ZNF804B: variants seen among roughly 807,000 people sequenced by gnomAD.
The protein encoded by ZNF804B is zinc finger 804B.
A neutral mutation model predicts 101.4 loss-of-function variants in ZNF804B; 80 were observed. The observed-to-expected ratio is 0.79, with a 90% confidence interval of 0.66 to 0.95. ZNF804B has a LOEUF of 0.95. Ranked by LOEUF, ZNF804B falls within the 40% of genes least tolerant of loss-of-function variation. The pLI is 0.00. For missense variants in ZNF804B, 1,673 were observed against 1,561.9 expected (o/e 1.07, Z -1.20); for synonymous variants, 622 against 558.8 (o/e 1.11, Z -1.59).
At chr7:88,795,677 T>A (rs1790470014) in intron 1 of ZNF804B, 1 of 152,136 alleles carries the variant, frequency 6.6e-6, no homozygotes, top group Non-Finnish European at 1.5e-5. Flanking sequence ...GTCACGCACC[T>A]GTCCTCGAGG....
At chr7:89,218,605 A>C (rs1788932191) in intron 2 of ZNF804B, among the ~76,000 whole-genome samples, 2 of 152,160 alleles carry the variant, frequency 1.3e-5, no homozygotes, top group African/African-American at 2.4e-5. Flanking sequence ...AAATCCACAT[A>C]TAACTTTTGC....
intron 1 of ZNF804B, among the ~76,000 whole-genome samples, chr7:88,840,545 G>A (rs1791280242): frequency 6.6e-6 from 1 of 152,058 alleles, no homozygotes; most frequent in South Asian, 2.1e-4. Context: ...ATTAGTAGTT[G>A]TGTTGAAACC....
intron 1 of ZNF804B, among the ~76,000 whole-genome samples, chr7:89,123,889 A>G (rs575732345): frequency 9.2e-5 from 14 of 152,166 alleles, no homozygotes; most frequent in African/African-American, 3.4e-4. Flanking sequence ...TATTTATATA[A>G]GACTTTCATT....
At chr7:89,131,598 G>C (rs1048216140) in intron 1 of ZNF804B, among the ~76,000 whole-genome samples, 1 of 151,916 alleles carries the variant, frequency 6.6e-6, no homozygotes, top group African/African-American at 2.4e-5. Flanking sequence ...TTTGACGAAG[G>C]GGAAAATATG....
intron 2 of ZNF804B, among the ~76,000 whole-genome samples, chr7:89,319,895 G>C (rs1420073990): frequency 2.0e-5 from 3 of 152,150 alleles, no homozygotes; most frequent in African/African-American, 7.2e-5. Context: ...AAGCATGTCT[G>C]TTTCTGGGTA....
chr7:88,893,904 A>G (rs1476829476), intron 1 of ZNF804B, among the ~76,000 whole-genome samples: 1 of 152,194 alleles, frequency 6.6e-6, no homozygotes, highest in Non-Finnish European at 1.5e-5. Flanking sequence ...AAAAGGATGA[A>G]GCATTCTGAT....
intron 1 of ZNF804B, among the ~76,000 whole-genome samples, chr7:89,207,747 TAAATC>T (rs1788736226): frequency 1.3e-5 from 2 of 152,180 alleles, no homozygotes; most frequent in African/African-American, 4.8e-5. Flanking sequence ...TGGATAAAAA[TAAATC>T]AATCAATCAG....
chr7:89,279,251 G>C (rs910534241), intron 2 of ZNF804B, among the ~76,000 whole-genome samples: 4 of 151,946 alleles, frequency 2.6e-5, no homozygotes, highest in Admixed American at 1.3e-4. Flanking sequence ...GAGATTTTGG[G>C]CTGAGACAGT....
intron 1 of ZNF804B, among the ~76,000 whole-genome samples, chr7:88,830,322 T>G (rs1026058504): frequency 8.6e-5 from 13 of 152,004 alleles, no homozygotes; most frequent in African/African-American, 3.1e-4. Flanking sequence ...GTTATTAACA[T>G]GTACAAGTTA....
intron 1 of ZNF804B, among the ~76,000 whole-genome samples, chr7:89,085,875 C>T (rs1454332968): frequency 6.6e-6 from 1 of 152,014 alleles, no homozygotes; most frequent in East Asian, 1.9e-4. Context: ...TATCTTCCAA[C>T]TATGACAATC....
At chr7:88,782,953 C>T (rs941678206) in intron 1 of ZNF804B, among the ~76,000 whole-genome samples, 2 of 152,170 alleles carry the variant, frequency 1.3e-5, no homozygotes, top group Non-Finnish European at 2.9e-5. Context: ...CTAAACATTT[C>T]TTCAGTTACA....
chr7:88,987,128 T>C (rs1793769869), intron 1 of ZNF804B, among the ~76,000 whole-genome samples: 1 of 152,120 alleles, frequency 6.6e-6, no homozygotes, highest in South Asian at 2.1e-4. Context: ...CATGAAATTT[T>C]ATTCCTTACT....
chr7:88,989,599 C>T (rs1025982482), intron 1 of ZNF804B, among the ~76,000 whole-genome samples: 10 of 152,062 alleles, frequency 6.6e-5, no homozygotes, highest in Admixed American at 6.6e-4. Context: ...TCCTCTTCTC[C>T]CCAGATGATT....
chr7:89,019,694 T>C (rs771296587), intron 1 of ZNF804B, among the ~76,000 whole-genome samples: 181 of 152,170 alleles, frequency 1.2e-3, no homozygotes, highest in Non-Finnish European at 2.3e-3. Flanking sequence ...TATATCCTCT[T>C]ACTGAATTGA....
At chr7:89,027,698 G>A (rs946030511) in intron 1 of ZNF804B, among the ~76,000 whole-genome samples, 5 of 152,134 alleles carry the variant, frequency 3.3e-5, no homozygotes, top group African/African-American at 1.2e-4. Context: ...ATGTGAAAAC[G>A]AAGAAGGTCA....
At chr7:88,981,801 GCT>G (rs772496853) in intron 1 of ZNF804B, among the ~76,000 whole-genome samples, 3 of 151,924 alleles carry the variant, frequency 2.0e-5, no homozygotes, top group Non-Finnish European at 2.9e-5. Flanking sequence ...AGATCACTGT[GCT>G]CTCCTCCCGC....
intron 1 of ZNF804B, among the ~76,000 whole-genome samples, chr7:88,863,907 A>T (rs1458683713): frequency 1.3e-5 from 2 of 152,214 alleles, no homozygotes; most frequent in Non-Finnish European, 2.9e-5. Flanking sequence ...ACTAGACTGC[A>T]AGTGTCTGTA....
chr7:89,305,946 A>C (rs535789824), intron 2 of ZNF804B, among the ~76,000 whole-genome samples: 11 of 152,028 alleles, frequency 7.2e-5, no homozygotes, highest in Non-Finnish European at 1.3e-4. Flanking sequence ...TAGGAAAATT[A>C]AAATGTATGG....
In ZNF804B at chr7:89,220,105, G is replaced by A. The variant is rs1255544694; in HGVS notation, c.249+1810G>A. On this transcript the variant is annotated intron_variant, in intron 2 of 3. Coordinates refer to ENST00000333190, the MANE Select transcript of ZNF804B (RefSeq NM_181646.5). ...TACATATATATACGCACATATATATGTGTGTATATACATATATATACGCAC... is the reference window on the plus strand; with the variant it reads ...TACATATATATACGCACATATATATATGTGTATATACATATATATACGCAC... Among the ~76,000 whole-genome samples, 7 of 98,024 alleles carry A rather than the reference G, an allele frequency of 7.1e-5. 1 individual carries two copies. Among genetic ancestry groups the A allele is most frequent in the Non-Finnish European group, 1.2e-4 (6 of 48,834 alleles). 64.3% of individuals were successfully genotyped at this position (98,024 alleles called of 152,430 possible).
Sources: allele counts gnomAD v4.1 joint callset (sites outside exome capture counted in the v4.1 genomes callset), GRCh38; gene constraint gnomAD v4.1.1; transcripts MANE v1.5; gene names NCBI Gene and HGNC (gene_info 2026-07-23, HGNC 2026-07-21).